CDC42BPA: variants seen among roughly 807,000 people sequenced by gnomAD.
CDC42BPA encodes serine/threonine-protein kinase MRCK alpha.
A neutral mutation model predicts 223.5 loss-of-function variants in CDC42BPA; 80 were observed. The ratio of observed to expected loss-of-function variants is 0.36; its 90% CI spans 0.30 to 0.43. CDC42BPA has a LOEUF of 0.43. Among genes scored for constraint, CDC42BPA ranks in the 20% least tolerant of loss-of-function variants. The pLI, the probability that CDC42BPA is intolerant of heterozygous loss-of-function variation, is 1.00. For missense variants in CDC42BPA, 1,743 were observed against 2,099.9 expected (o/e 0.83, Z 3.32); for synonymous variants, 694 against 718.6 (o/e 0.97, Z 0.55).
chr1:227,256,720 C>T (rs1572673280), intron 1 of CDC42BPA, among the ~76,000 whole-genome samples: 1 of 152,074 alleles, frequency 6.6e-6, no homozygotes, highest in Admixed American at 6.6e-5. Context: ...AATGTTACTG[C>T]TGCTTTGTAA....
intron 2 of CDC42BPA, among the ~76,000 whole-genome samples, chr1:227,231,104 T>C (rs916898598): frequency 6.6e-6 from 1 of 151,604 alleles, no homozygotes. Context: ...TCATTTACAT[T>C]AGGTATATCT....
At chr1:227,046,702 G>A (rs2148825408) in intron 23 of CDC42BPA, among the ~76,000 whole-genome samples, 1 of 152,180 alleles carries the variant, frequency 6.6e-6, no homozygotes, top group South Asian at 2.1e-4. Flanking sequence ...TATCATTTTG[G>A]TTGTCTGAAG....
intron 4 of CDC42BPA, among the ~76,000 whole-genome samples, chr1:227,196,834 T>C (rs571334970): frequency 3.3e-5 from 5 of 152,276 alleles, no homozygotes; most frequent in South Asian, 4.1e-4. Context: ...AAGTAACTAA[T>C]CAGGAAACAA....
At chr1:227,146,540 C>A (rs1660737248) in intron 7 of CDC42BPA, among the ~76,000 whole-genome samples, 1 of 152,008 alleles carries the variant, frequency 6.6e-6, no homozygotes, top group Non-Finnish European at 1.5e-5. Flanking sequence ...ATTATCATTC[C>A]CTTCTATCGG....
chr1:227,094,913 C>T (rs909248538), intron 15 of CDC42BPA, among the ~76,000 whole-genome samples: 3 of 152,170 alleles, frequency 2.0e-5, no homozygotes, highest in African/African-American at 7.2e-5. Flanking sequence ...CAGCCACCCA[C>T]AAAGCACTCC....
rs372914304 is a variant in CDC42BPA at position 227,074,248 on chromosome 1, T to C, written c.2586+11A>G. ...TATGATAAGCCTCCATGCAAAATCA[T>C]AGAAGCTTACTGTTGCTCGTGTACC... On this transcript the variant is annotated intron_variant, in intron 18 of 36. Transcript: ENST00000366766. 42 of 1,590,280 alleles carry C rather than the reference T, an allele frequency of 2.6e-5. No individual in the cohort carries two copies. Among genetic ancestry groups the C allele is most frequent in the Middle Eastern group, 3.3e-4 (2 of 5,992 alleles).
At position 227,112,387 on chromosome 1, in the gene CDC42BPA, T is replaced by A. The variant is rs1343100180; in HGVS notation, c.1926A>T (p.Ala642=). ...GTTCACGTAGCTTCCTGTCTTTAGA[T>A]GCTTCAGCAGCTAGAGCTTCTGTAT... ...EVHTEALAAE[A]SKDRKLREQS... is the part of the protein sequence containing the mutation. Residue 642 remains alanine (A), a synonymous_variant, in exon 14 of 37, where the codon GCA becomes GCT. Transcript: ENST00000366766. The A allele has an allele frequency of 8.7e-6, 14 of 1,606,896 alleles. No homozygotes were observed. The highest frequency in any genetic ancestry group is 1.3e-5 in the African/African-American group (1 of 74,612).
At chr1:227,126,305 A>AT (rs1689576661) in intron 11 of CDC42BPA, among the ~76,000 whole-genome samples, 1 of 152,140 alleles carries the variant, frequency 6.6e-6, no homozygotes, top group Non-Finnish European at 1.5e-5. Flanking sequence ...CGAGGTTGTC[A>AT]TTGACACTGT....
chr1:227,309,693 A>C (rs899088828), intron 1 of CDC42BPA, among the ~76,000 whole-genome samples: 1 of 152,236 alleles, frequency 6.6e-6, no homozygotes. Flanking sequence ...TGAAAGCTGT[A>C]AAAAATAAAG....
intron 35 of CDC42BPA, chr1:227,004,128 G>T (rs1016582462): frequency 6.6e-6 from 1 of 150,904 alleles, no homozygotes; most frequent in Non-Finnish European, 1.5e-5. Context: ...CTTCTTAAAC[G>T]GTGGTAAATG....
rs752631178 is a variant in CDC42BPA at position 227,028,741 on chromosome 1, T to C, written c.4348A>G (p.Asn1450Asp). 1 of 1,613,770 alleles carries C rather than the reference T, an allele frequency of 6.2e-7. No homozygotes were observed. Among genetic ancestry groups the C allele is most frequent in the Non-Finnish European group, 8.5e-7 (1 of 1,179,796 alleles). Residue 1450 changes from asparagine (N) to aspartate (D), a missense_variant, in exon 30 of 37, where the codon AAC becomes GAC. Asn to Asp is a conservative substitution (Grantham distance 23). This residue lies in a region of CDC42BPA where 678 missense variants were observed against 777.5 expected (regional missense o/e 0.87). Transcript: ENST00000366766. ...CAGTCAGTGTATATCCCAATGCTGT[T>C]AAAACACAGCAGATATTCTTTACTG... ...ISSKEYLLCFNSIGIYTDCQG... is the reference protein window; with the variant it reads ...ISSKEYLLCFDSIGIYTDCQG...
chr1:227,034,868 T>TTAA, intron 25 of CDC42BPA, 74 bp from the exon 26 acceptor site: 32 of 1,385,420 alleles, frequency 2.3e-5, no homozygotes, highest in Non-Finnish European at 2.9e-5. Flanking sequence ...CATATGTAAT[T>TTAA]GCATGGTGAA....
At chr1:227,065,895 C>A (rs974781198) in intron 21 of CDC42BPA, among the ~76,000 whole-genome samples, 2 of 152,236 alleles carry the variant, frequency 1.3e-5, no homozygotes, top group East Asian at 3.9e-4. Context: ...CCCTTCTATA[C>A]GTACAAGTTC....
At chr1:227,015,989 A>G in intron 34 of CDC42BPA, 91 bp downstream of exon 34, 1 of 708,486 alleles carries the variant, frequency 1.4e-6, no homozygotes, top group Non-Finnish European at 2.5e-6. Flanking sequence ...ACTTTCACAT[A>G]TCCTTTGAAG....
intron 21 of CDC42BPA, among the ~76,000 whole-genome samples, chr1:227,066,799 T>G (rs1436545057): frequency 6.6e-6 from 1 of 152,210 alleles, no homozygotes; most frequent in Non-Finnish European, 1.5e-5. Flanking sequence ...ATACACTGTT[T>G]CCTTAAATCT....
At chr1:227,149,279 T>C (rs953391802) in intron 6 of CDC42BPA, among the ~76,000 whole-genome samples, 3 of 152,272 alleles carry the variant, frequency 2.0e-5, no homozygotes, top group African/African-American at 7.2e-5. Context: ...GCTTCTGTGG[T>C]TGAAAAGTTC....
At chr1:227,082,714 CAAAAAAAAAAAAA>C (rs71574595) in intron 16 of CDC42BPA, among the ~76,000 whole-genome samples, 9,622 of 59,632 alleles carry the variant, frequency 0.16, 542 homozygotes, top group East Asian at 0.39. Flanking sequence ...GACTCTGTCT[CAAAAAAAAAAAAA>C]AAAAAAAAAA....
chr1:227,078,885 G>A lies in CDC42BPA; in HGVS notation c.2480+2008C>T, dbSNP rs868678519. Among the ~76,000 whole-genome samples the A allele has an allele frequency of 3.9e-5, 6 of 152,186 alleles. No individual in the cohort carries two copies. The Middle Eastern group carries it at 0.017, about 431-fold the overall frequency. ...TGCCTCCAAATCTGGAACTTTTTGAGTACTGACAAGATGCTTAAATTTTTG... is the reference window on the plus strand; with the variant it reads ...TGCCTCCAAATCTGGAACTTTTTGAATACTGACAAGATGCTTAAATTTTTG... On this transcript the variant is annotated intron_variant, in intron 17 of 36. Transcript: ENST00000366766.
chr1:227,199,261 G>A (rs1228512752), intron 4 of CDC42BPA, among the ~76,000 whole-genome samples: 3 of 152,138 alleles, frequency 2.0e-5, no homozygotes, highest in Non-Finnish European at 4.4e-5. Flanking sequence ...GAATGGTACT[G>A]GTGTTAAAGG....
Sources: gnomAD v4.1 joint callset for allele counts (sites outside exome capture counted in the v4.1 genomes callset) on GRCh38, gnomAD v4.1.1 for gene constraint, gnomAD v4.1.1 regional missense constraint, MANE v1.5 for transcripts, NCBI Gene and HGNC (gene_info 2026-07-23, HGNC 2026-07-21) for gene names.